The following DNAH3 variants were observed in gnomAD, a reference collection of about 807,000 sequenced individuals.
DNAH3 encodes the protein axonemal beta dynein heavy chain 3.
A neutral mutation model predicts 432.5 loss-of-function variants in DNAH3; 332 were observed. The observed-to-expected ratio is 0.77, with a 90% CI of 0.70 to 0.84. The LOEUF (loss-of-function observed/expected upper bound fraction) is 0.84, where lower values mean the gene tolerates loss of function less well. DNAH3 is among the 40% of genes least tolerant of loss of function. DNAH3 has a pLI of 0.00. For missense variants in DNAH3, 4,861 were observed against 5,114.0 expected, an observed-to-expected ratio of 0.95 and a Z score of 1.51; for synonymous variants, 1,956 against 1,900.2, an observed-to-expected ratio of 1.03 and a Z score of -0.76.
At chr16:21,033,583 A>AG (rs2089004739) in intron 36 of DNAH3, among the ~76,000 whole-genome samples, 2 of 152,236 alleles carry the variant, frequency 1.3e-5, no homozygotes, top group African/African-American at 4.8e-5. Flanking sequence ...GGAAGGAGGG[A>AG]GGGAAAAAAC....
chr16:21,061,772 G>C (rs1170114734), intron 25 of DNAH3, among the ~76,000 whole-genome samples: 1 of 152,150 alleles, frequency 6.6e-6, no homozygotes, highest in Non-Finnish European at 1.5e-5. Flanking sequence ...ATGCAACCTG[G>C]TCATTTGGAT....
At chr16:21,120,826 AAGG>A in exon 11 of DNAH3, 1 of 1,614,060 alleles carries the variant, frequency 6.2e-7, no homozygotes. Context: ...AGCAGCAGTG[AAGG>A]AGAACTTAAG....
At chr16:20,953,997 T>C (rs138143010) in intron 55 of DNAH3, among the ~76,000 whole-genome samples, 19 of 152,144 alleles carry the variant, frequency 1.2e-4, no homozygotes, top group African/African-American at 3.4e-4. Context: ...TCTTCCTCTT[T>C]AAGGTTGATT....
intron 44 of DNAH3, 61 bp from the exon 45 acceptor site, chr16:20,988,126 G>A: frequency 3.8e-6 from 6 of 1,599,374 alleles, no homozygotes; most frequent in Admixed American, 1.7e-5. Context: ...CACTGTCTGT[G>A]ACCCTAGGAT....
intron 24 of DNAH3, among the ~76,000 whole-genome samples, chr16:21,066,521 C>A (rs147451525): frequency 6.6e-6 from 1 of 152,248 alleles, no homozygotes; most frequent in East Asian, 1.9e-4. Context: ...GCAAACACCA[C>A]CACACTGGCT....
chr16:21,156,162 C>T (rs1231149060), intron 1 of DNAH3, among the ~76,000 whole-genome samples: 1 of 144,632 alleles, frequency 6.9e-6, no homozygotes, highest in Non-Finnish European at 1.5e-5. Flanking sequence ...GGGAGTTATT[C>T]TTATTTTATT....
chr16:21,023,411 C>T (rs541477210), intron 39 of DNAH3, among the ~76,000 whole-genome samples: 81 of 152,158 alleles, frequency 5.3e-4, no homozygotes, highest in African/African-American at 1.8e-3. Flanking sequence ...GAAACACAAA[C>T]GTGTTATGGT....
exon 16 of DNAH3, chr16:21,104,537 A>G: frequency 6.2e-7 from 1 of 1,614,016 alleles, no homozygotes; most frequent in Non-Finnish European, 8.5e-7. Context: ...GTTGTCAAAG[A>G]TATCTTCAAT....
chr16:21,000,460 G>A, exon 43 of DNAH3: 1 of 1,613,954 alleles, frequency 6.2e-7, no homozygotes, highest in Non-Finnish European at 8.5e-7. Flanking sequence ...GTCTAAGTAG[G>A]TTTTCAAGAA....
chr16:21,096,174 C>T (rs1279459140), intron 18 of DNAH3, among the ~76,000 whole-genome samples: 12 of 150,256 alleles, frequency 8.0e-5, no homozygotes, highest in Non-Finnish European at 1.6e-4. Context: ...TGCTCTGATG[C>T]CCAAGTTGGG....
chr16:20,960,459 G>A (rs2084767293), intron 53 of DNAH3, among the ~76,000 whole-genome samples: 1 of 152,198 alleles, frequency 6.6e-6, no homozygotes, highest in African/African-American at 2.4e-5. Context: ...GCCGAGACGA[G>A]CGGATCACTT....
intron 36 of DNAH3, among the ~76,000 whole-genome samples, chr16:21,032,940 G>T (rs1048518999): frequency 6.6e-6 from 1 of 151,942 alleles, no homozygotes; most frequent in Non-Finnish European, 1.5e-5. Context: ...ATATTAAAAT[G>T]CTAAAAATAT....
rs545702189 is a variant in DNAH3 at position 20,986,428 on chromosome 16, G to C, written c.7027-713C>G. Among the ~76,000 whole-genome samples, 4 of 152,178 alleles carry C rather than the reference G, an allele frequency of 2.6e-5. No homozygotes were observed. The South Asian group carries it at 8.3e-4, about 32-fold the overall frequency. ...GAGGCCGAGGTGGAGGACTGCTTGAGCCCAGGAGCTTGAGGCTGCAGTGTG... is the reference window on the plus strand; with the variant it reads ...GAGGCCGAGGTGGAGGACTGCTTGACCCCAGGAGCTTGAGGCTGCAGTGTG... On this transcript the variant is annotated intron_variant, in intron 47 of 61. Coordinates refer to ENST00000261383, the Ensembl canonical transcript of DNAH3.
intron 36 of DNAH3, 50 bp downstream of exon 36, chr16:21,033,924 A>G (rs775342665): frequency 1.5e-6 from 2 of 1,361,118 alleles, no homozygotes; most frequent in Non-Finnish European, 2.1e-6. Flanking sequence ...GAGCCAGCCA[A>G]CTGAGCGAGG....
chr16:20,982,747 C>T, exon 49 of DNAH3: 1 of 1,614,110 alleles, frequency 6.2e-7, no homozygotes, highest in Non-Finnish European at 8.5e-7. Context: ...CATCAAGCTC[C>T]ACATCCTCTA....
intron 56 of DNAH3, among the ~76,000 whole-genome samples, chr16:20,951,352 A>G (rs1170424434): frequency 6.6e-6 from 1 of 151,748 alleles, no homozygotes; most frequent in Non-Finnish European, 1.5e-5. Context: ...GAAGTTTGCC[A>G]CGATCATCTC....
intron 61 of DNAH3, 152 bp downstream of exon 61, chr16:20,935,196 G>T: frequency 1.2e-6 from 1 of 827,860 alleles, no homozygotes; most frequent in Non-Finnish European, 1.9e-6. Flanking sequence ...GTAGCTTTTA[G>T]AGCTACTGTA....
chr16:21,020,348 G>GTGTGTGTGTGTGTGTGTATATATATA, intron 40 of DNAH3, among the ~76,000 whole-genome samples: 1 of 69,178 alleles, frequency 1.4e-5, no homozygotes, highest in Admixed American at 2.2e-4. Flanking sequence ...TATAGTGTGT[G>GTGTGTGTGTGTGTGTGTATATATATA]TATATATATA....
chr16:21,151,325 T>G (rs1473520819), intron 1 of DNAH3, among the ~76,000 whole-genome samples: 1 of 150,780 alleles, frequency 6.6e-6, no homozygotes, highest in African/African-American at 2.4e-5. Context: ...TTCCCCGTTT[T>G]TTTTTTTTTT....
Sources: gnomAD v4.1 joint callset for allele counts (sites outside exome capture counted in the v4.1 genomes callset) on GRCh38, gnomAD v4.1.1 for gene constraint, MANE v1.5 for transcripts, NCBI Gene and HGNC (gene_info 2026-07-23, HGNC 2026-07-21) for gene names.